Variants in OXR1 observed in about 807,000 individuals in gnomAD.
OXR1 encodes oxidation resistance protein 1.
In OXR1, 41 loss-of-function variants were observed where a neutral mutation model predicts 104.6. That is an observed-to-expected ratio of 0.39 (90% CI 0.31 to 0.51). The LOEUF (loss-of-function observed/expected upper bound fraction) is 0.51, where lower values mean the gene tolerates loss of function less well. Ranked by LOEUF, OXR1 falls within the 20% of genes least tolerant of loss-of-function variation. The pLI, the probability that OXR1 is intolerant of heterozygous loss-of-function variation, is 0.77. For synonymous variants in OXR1, 348 were observed against 348.4 expected (o/e 1.00, Z 0.01); for missense variants, 955 against 1,031.9 (o/e 0.93, Z 1.02).
chr8:106,575,731 T>C (rs543458077), intron 3 of OXR1, among the ~76,000 whole-genome samples: 27 of 151,126 alleles, frequency 1.8e-4, no homozygotes, highest in African/African-American at 6.5e-4. Flanking sequence ...GGGGCTTGAA[T>C]TACTGATTAC....
intron 1 of OXR1, among the ~76,000 whole-genome samples, chr8:106,294,370 T>C (rs117046165): frequency 8.1e-6 from 1 of 123,844 alleles, no homozygotes; most frequent in South Asian, 2.5e-4. Flanking sequence ...CACTCCAACT[T>C]GGGCGACAGG....
chr8:106,322,890 A>C (rs1814285660), intron 1 of OXR1, among the ~76,000 whole-genome samples: 1 of 152,214 alleles, frequency 6.6e-6, no homozygotes, highest in South Asian at 2.1e-4. Flanking sequence ...CAGAGAAGAC[A>C]CAAACAAATG....
At position 106,466,574 on chromosome 8, in the gene OXR1, T is replaced by C. The variant is rs911548367; in HGVS notation, c.24-52369T>C. Among the ~76,000 whole-genome samples, 5 of 151,670 alleles carry C rather than the reference T, an allele frequency of 3.3e-5. No individual in the cohort carries two copies. In the East Asian group the frequency reaches 9.7e-4, roughly 29 times the overall value. ...TTAATTTATAAGAATGTAATGTATTTCCAATCCAGTTTACATTTATTGACT... is the reference window on the plus strand; with the variant it reads ...TTAATTTATAAGAATGTAATGTATTCCCAATCCAGTTTACATTTATTGACT... On this transcript the variant is annotated intron_variant, in intron 2 of 16. Coordinates refer to ENST00000517566, the MANE Select transcript of OXR1 (RefSeq NM_001198533.2).
At chr8:106,464,286 TTTATTCTTATTTTGTGATGAGAAAA>T (rs1255201686) in intron 2 of OXR1, among the ~76,000 whole-genome samples, 10 of 146,376 alleles carry the variant, frequency 6.8e-5, no homozygotes, top group Non-Finnish European at 1.5e-5. Context: ...TGGAGATATT[TTTATTCTTATTTTGTGATGAGAAAA>T]CTGATACCAT....
At chr8:106,658,636 C>A (rs1003016205) in intron 3 of OXR1, among the ~76,000 whole-genome samples, 4 of 152,010 alleles carry the variant, frequency 2.6e-5, no homozygotes, top group Non-Finnish European at 5.9e-5. Context: ...ACTTCCTAAC[C>A]GAAAAATAAA....
chr8:106,337,659 C>A (rs1368017068), intron 1 of OXR1, among the ~76,000 whole-genome samples: 1 of 152,128 alleles, frequency 6.6e-6, no homozygotes, highest in African/African-American at 2.4e-5. Context: ...TATATGTAGT[C>A]TTAAGTATCT....
intron 3 of OXR1, among the ~76,000 whole-genome samples, chr8:106,607,549 AT>A (rs2130783591): frequency 6.6e-6 from 1 of 152,212 alleles, no homozygotes; most frequent in Non-Finnish European, 1.5e-5. Flanking sequence ...TCCTTCACTG[AT>A]TTGTGTCATC....
intron 5 of OXR1, 93 bp from the exon 6 acceptor site, chr8:106,684,153 A>T: frequency 3.2e-6 from 2 of 617,886 alleles, no homozygotes; most frequent in Non-Finnish European, 5.8e-6. Context: ...TTTCTGTTTA[A>T]TTGGTAATTG....
chr8:106,395,426 A>G (rs1404790614), intron 2 of OXR1, among the ~76,000 whole-genome samples: 1 of 152,160 alleles, frequency 6.6e-6, no homozygotes, highest in Admixed American at 6.6e-5. Context: ...CACTTCTTAC[A>G]TGGCAGCAGC....
At chr8:106,428,201 C>T (rs1819211482) in intron 2 of OXR1, among the ~76,000 whole-genome samples, 1 of 152,136 alleles carries the variant, frequency 6.6e-6, no homozygotes, top group African/African-American at 2.4e-5. Context: ...AGGAAATGAG[C>T]TCCTTCCATG....
intron 3 of OXR1, among the ~76,000 whole-genome samples, chr8:106,608,334 A>G (rs1375361639): frequency 1.3e-5 from 2 of 152,148 alleles, no homozygotes; most frequent in Non-Finnish European, 2.9e-5. Flanking sequence ...AACGATGAAA[A>G]AAAAATCCAT....
chr8:106,480,978 TAACTCTG>T (rs1822080988), intron 2 of OXR1, among the ~76,000 whole-genome samples: 1 of 152,010 alleles, frequency 6.6e-6, no homozygotes, highest in Non-Finnish European at 1.5e-5. Context: ...AATAAATTGG[TAACTCTG>T]ACTCCTACGT....
chr8:106,289,032 TAGG>T (rs1812633192), intron 1 of OXR1, among the ~76,000 whole-genome samples: 1 of 152,172 alleles, frequency 6.6e-6, no homozygotes, highest in East Asian at 1.9e-4. Flanking sequence ...CTCAAAATAA[TAGG>T]AGACATCTAT....
At chr8:106,630,482 A>T (rs1032516485) in intron 3 of OXR1, among the ~76,000 whole-genome samples, 1 of 152,216 alleles carries the variant, frequency 6.6e-6, no homozygotes, top group South Asian at 2.1e-4. Context: ...TTGATTCCGT[A>T]CTATGTTGTT....
chr8:106,327,031 T>C (rs1367921569), intron 1 of OXR1, among the ~76,000 whole-genome samples: 2 of 152,192 alleles, frequency 1.3e-5, no homozygotes, highest in Non-Finnish European at 2.9e-5. Context: ...CATTTTAATT[T>C]CCCATCTCTG....
chr8:106,318,995 A>T (rs1814100009), intron 1 of OXR1, among the ~76,000 whole-genome samples: 1 of 152,236 alleles, frequency 6.6e-6, no homozygotes. Context: ...CTATTTGAAT[A>T]GTTGATATTT....
intron 2 of OXR1, among the ~76,000 whole-genome samples, chr8:106,391,520 T>C (rs945593196): frequency 2.0e-5 from 3 of 152,216 alleles, no homozygotes; most frequent in Admixed American, 6.5e-5. Flanking sequence ...TAATGAATGC[T>C]GAAATGTAAC....
chr8:106,550,696 A>T (rs1474901516), intron 3 of OXR1, among the ~76,000 whole-genome samples: 1 of 152,080 alleles, frequency 6.6e-6, no homozygotes, highest in Non-Finnish European at 1.5e-5. Flanking sequence ...GCCATGTAAG[A>T]CATGCCTCTT....
intron 2 of OXR1, among the ~76,000 whole-genome samples, chr8:106,470,007 G>A (rs561736554): frequency 6.6e-6 from 1 of 151,714 alleles, no homozygotes; most frequent in Non-Finnish European, 1.5e-5. Context: ...AAACCCCTTA[G>A]GTAGGAATAT....
Sources: gnomAD v4.1 joint callset for allele counts (sites outside exome capture counted in the v4.1 genomes callset) on GRCh38, gnomAD v4.1.1 for gene constraint, MANE v1.5 for transcripts, NCBI Gene and HGNC (gene_info 2026-07-23, HGNC 2026-07-21) for gene names.